Variants in TTC34 observed in about 807,000 individuals in gnomAD.
TTC34 encodes the protein tetratricopeptide repeat domain 34.
In TTC34, 44 loss-of-function variants were observed where a neutral mutation model predicts 40.7. The observed-to-expected ratio is 1.08, with a 90% CI of 0.85 to 1.39. The LOEUF is 1.39. TTC34 is among the 40% of genes most tolerant of loss of function. The probability of loss-of-function intolerance (pLI) is 0.00; values close to 1 mark genes in which losing one functional copy is unlikely to be tolerated. For missense variants in TTC34, 884 were observed against 838.0 expected, an observed-to-expected ratio of 1.05 and a Z score of -0.68; for synonymous variants, 422 against 398.6, an observed-to-expected ratio of 1.06 and a Z score of -0.70.
At chr1:2,673,269 T>C (rs1274243107) in intron 6 of TTC34, among the ~76,000 whole-genome samples, 6,623 of 24,156 alleles carry the variant, frequency 0.27, no homozygotes, top group Middle Eastern at 0.35. Flanking sequence ...TGGAGCAGCA[T>C]CCACACCCCC....
chr1:2,682,048 G>C (rs1403531584), intron 6 of TTC34, among the ~76,000 whole-genome samples: 6 of 40,654 alleles, frequency 1.5e-4, no homozygotes, highest in South Asian at 8.4e-4. Flanking sequence ...ATCTGACATT[G>C]TGGAGCAGCA....
intron 6 of TTC34, among the ~76,000 whole-genome samples, chr1:2,683,633 C>G (rs1190634483): frequency 1.4e-5 from 2 of 147,378 alleles, no homozygotes; most frequent in African/African-American, 2.6e-5. Flanking sequence ...GCACCCACAC[C>G]CCCAGGTGAG....
At chr1:2,789,807 C>G (rs1247900538) in exon 3 of TTC34, 11 of 475,504 alleles carry the variant, frequency 2.3e-5, no homozygotes, top group Middle Eastern at 5.3e-4. Flanking sequence ...CCCTGCTCCA[C>G]TACCGTCTGG....
chr1:2,653,800 G>A (rs1006659352), intron 6 of TTC34, among the ~76,000 whole-genome samples: 3 of 151,284 alleles, frequency 2.0e-5, no homozygotes, highest in African/African-American at 7.3e-5. Flanking sequence ...GCCTGGAGCA[G>A]TGCCCACACC....
exon 9 of TTC34, chr1:2,638,086 A>C (rs1348573513): frequency 1.3e-5 from 2 of 151,982 alleles, no homozygotes; most frequent in African/African-American, 4.8e-5. Flanking sequence ...TGCTGTGATA[A>C]GCTTACCTGG....
rs1485523139 is a variant in TTC34, at chr1:2,750,295, C to T, written c.2226+33314G>A. 5.9e-5 allele frequency among the ~76,000 whole-genome samples: 3 copies of T among 51,202 alleles called. 1 individual carries two copies. The highest frequency in any genetic ancestry group is 6.5e-4 in the South Asian group (1 of 1,534). The allele number at this position is 51,202 out of a possible 152,430, so 33.6% of individuals were successfully genotyped here. On this transcript the variant is annotated intron_variant, in intron 6 of 8. Coordinates refer to ENST00000401095, the Ensembl canonical transcript of TTC34. ...AAAAGAGCCCAGACCCCCAGGTGAG[C>T]ATCTGACAGACTGGAACTGCACCCC...
chr1:2,647,420 C>T (rs1195771670), intron 6 of TTC34, among the ~76,000 whole-genome samples: 4 of 152,172 alleles, frequency 2.6e-5, no homozygotes, highest in Non-Finnish European at 2.9e-5. Context: ...GTCAGGAGAT[C>T]GAGACCATCC....
At chr1:2,641,924 G>C (rs1310564731) in intron 8 of TTC34, 29 bp from the exon 9 acceptor site, 1 of 1,444,680 alleles carries the variant, frequency 6.9e-7, no homozygotes, top group Admixed American at 2.6e-5. Context: ...GAGAGGCAGG[G>C]AGAGTGGGGT....
chr1:2,684,694 A>C (rs1266629443), intron 6 of TTC34, among the ~76,000 whole-genome samples: 1 of 124,498 alleles, frequency 8.0e-6, no homozygotes, highest in South Asian at 2.7e-4. Context: ...TGAGCATCTG[A>C]CAGCCTGGAA....
intron 4 of TTC34, among the ~76,000 whole-genome samples, chr1:2,786,992 C>A (rs1360257611): frequency 6.6e-6 from 1 of 152,160 alleles, no homozygotes; most frequent in African/African-American, 2.4e-5. Context: ...CCTTTAGACC[C>A]CAGTTCAAAC....
intron 4 of TTC34, among the ~76,000 whole-genome samples, chr1:2,786,872 C>T (rs568125241): frequency 6.6e-6 from 1 of 152,168 alleles, no homozygotes; most frequent in South Asian, 2.1e-4. Context: ...TCAGGGCATC[C>T]GAACCTGGGC....
chr1:2,769,535 G>A (rs1253822498), intron 6 of TTC34, among the ~76,000 whole-genome samples: 1 of 101,002 alleles, frequency 9.9e-6, no homozygotes, highest in Non-Finnish European at 1.9e-5. Flanking sequence ...ACAACCTGGA[G>A]CAGCACCCCA....
In TTC34 at chr1:2,691,634, G is replaced by A. The variant is rs536916218; in HGVS notation, c.2227-46071C>T. Among the ~76,000 whole-genome samples the A allele has an allele frequency of 6.1e-4, 62 of 100,972 alleles. 3 individuals carry two copies. In the South Asian group the frequency reaches 8.1e-3, roughly 13 times the overall value. 66.2% of individuals were successfully genotyped at this position (100,972 alleles called of 152,430 possible). On this transcript the variant is annotated intron_variant, in intron 6 of 8. Transcript: ENST00000401095. ...AACAGCACCCTGCACCCCCAGGTGCGCACGTGACAGCCTGGAACAGCACCG... is the reference window on the plus strand; with the variant it reads ...AACAGCACCCTGCACCCCCAGGTGCACACGTGACAGCCTGGAACAGCACCG...
At chr1:2,794,333 T>A (rs908257220) in intron 2 of TTC34, among the ~76,000 whole-genome samples, 6 of 152,224 alleles carry the variant, frequency 3.9e-5, no homozygotes, top group African/African-American at 1.4e-4. Context: ...TATCTTTCAA[T>A]AAAGTTTTAT....
chr1:2,775,502 G>T (rs1643057027), intron 6 of TTC34: 1 of 148,192 alleles, frequency 6.7e-6, no homozygotes, highest in Non-Finnish European at 1.5e-5. Context: ...GCCTGAAACA[G>T]CACCCTCCAC....
chr1:2,685,499 C>G (rs192298775), intron 6 of TTC34, among the ~76,000 whole-genome samples: 1,245 of 34,268 alleles, frequency 0.036, 1 homozygote, highest in Middle Eastern at 0.21. Flanking sequence ...GCATCTGACA[C>G]CATGGAGCAG....
At position 2,645,901 on chromosome 1, in the gene TTC34, C is replaced by T. The variant is rs917693328; in HGVS notation, c.2227-338G>A. ...CTGTGAGCCCTCCCTGGGTCCCTCGCTCTCCCAGCTTGTAGCTGGCTCCCT... is the reference window on the plus strand; with the variant it reads ...CTGTGAGCCCTCCCTGGGTCCCTCGTTCTCCCAGCTTGTAGCTGGCTCCCT... On this transcript the variant is annotated intron_variant, in intron 6 of 8. Coordinates refer to ENST00000401095, the Ensembl canonical transcript of TTC34. The surrounding 1 kb of genome is among the most constrained non-coding windows in gnomAD (Gnocchi z 4.7). Among the ~76,000 whole-genome samples the T allele has an allele frequency of 6.6e-6, 1 of 152,170 alleles. No individual in the cohort carries two copies. The highest frequency in any genetic ancestry group is 6.5e-5 in the Admixed American group (1 of 15,284).
chr1:2,767,717 A>T (rs1365223779), intron 6 of TTC34, among the ~76,000 whole-genome samples: 4 of 134,670 alleles, frequency 3.0e-5, no homozygotes, highest in African/African-American at 8.5e-5. Flanking sequence ...CTGGAACAGA[A>T]CCCCGCTCTT....
intron 6 of TTC34, among the ~76,000 whole-genome samples, chr1:2,685,906 A>G (rs1640316461): frequency 6.7e-6 from 1 of 148,278 alleles, no homozygotes; most frequent in Non-Finnish European, 1.5e-5. Context: ...GACAGCCTGG[A>G]ACAGCACGCA....
Sources: allele counts gnomAD v4.1 joint callset (sites outside exome capture counted in the v4.1 genomes callset), GRCh38; gene constraint gnomAD v4.1.1; non-coding constraint Gnocchi (gnomAD v3.1); transcripts MANE v1.5; gene names NCBI Gene and HGNC (gene_info 2026-07-23, HGNC 2026-07-21).